The following RBM6 variants were observed in gnomAD, a reference collection of about 807,000 sequenced individuals.
RBM6 encodes RNA binding motif protein 6.
In RBM6, 23 loss-of-function variants were observed where a neutral mutation model predicts 140.4. The observed-to-expected ratio is 0.16, with a 90% CI of 0.12 to 0.23. The LOEUF is 0.23. Ranked by LOEUF, RBM6 falls within the 10% of genes least tolerant of loss-of-function variation. The pLI is 1.00. For missense variants in RBM6, 1,139 were observed against 1,386.7 expected (o/e 0.82, Z 2.84); for synonymous variants, 439 against 475.6 (o/e 0.92, Z 1.00).
intron 1 of RBM6, among the ~76,000 whole-genome samples, chr3:49,944,728 G>A (rs1213789861): frequency 1.3e-5 from 2 of 151,838 alleles, no homozygotes; most frequent in African/African-American, 2.4e-5. Context: ...AACCTGCCTC[G>A]GCCTCCCAAA....
intron 1 of RBM6, among the ~76,000 whole-genome samples, chr3:49,946,846 T>G (rs1345676424): frequency 6.6e-6 from 1 of 150,448 alleles, no homozygotes; most frequent in East Asian, 1.9e-4. Flanking sequence ...ATTTTCTGTT[T>G]CGTTTTTTTT....
In RBM6 at chr3:49,942,860, C is replaced by CA. The variant is rs923968970; in HGVS notation, c.-67+2644dup. ...TGGGCTGCACAGCCAGACTCCATCT[C>CA]AAAAAAAAAGAAAAAAAGAAACTGT... On this transcript the variant is annotated intron_variant, in intron 1 of 20. Transcript: ENST00000266022. 2.0e-3 allele frequency among the ~76,000 whole-genome samples: 300 copies of CA among 150,642 alleles called. 2 individuals carry two copies. Among genetic ancestry groups the CA allele is most frequent in the African/African-American group, 6.5e-3 (269 of 41,146 alleles).
chr3:50,068,068 C>T (rs1350590261), intron 17 of RBM6, among the ~76,000 whole-genome samples: 5 of 152,138 alleles, frequency 3.3e-5, no homozygotes, highest in Admixed American at 2.6e-4. Flanking sequence ...AAAAAGTAAT[C>T]GTCAGGAAAG....
At chr3:50,032,482 C>CAAAAA (rs10648927) in intron 6 of RBM6, among the ~76,000 whole-genome samples, 2 of 58,368 alleles carry the variant, frequency 3.4e-5, no homozygotes, top group African/African-American at 5.9e-5. Context: ...GACTCCATCT[C>CAAAAA]AAAAAAAAAA....
intron 19 of RBM6, among the ~76,000 whole-genome samples, chr3:50,072,413 AAAAAAAAAG>A (rs1223123863): frequency 6.6e-6 from 1 of 151,794 alleles, no homozygotes; most frequent in Non-Finnish European, 1.5e-5. Context: ...CCAAATCAAA[AAAAAAAAAG>A]AAAAGAAAAG....
intron 1 of RBM6, among the ~76,000 whole-genome samples, chr3:49,955,160 CTTTTTTT>C (rs869272546): frequency 1.4e-5 from 1 of 72,714 alleles, no homozygotes; most frequent in African/African-American, 5.8e-5. Flanking sequence ...TTTTTTCTTT[CTTTTTTT>C]TTTTTTTTTT....
intron 6 of RBM6, 36 bp downstream of exon 6, chr3:49,999,549 A>T: frequency 6.5e-7 from 1 of 1,528,270 alleles, no homozygotes; most frequent in East Asian, 2.3e-5. Flanking sequence ...TGCTGGAAGG[A>T]TATATTTTTT....
At position 50,057,874 on chromosome 3, in the gene RBM6, C is replaced by G; in HGVS notation, c.1840C>G (p.Arg614Gly). 6.2e-7 allele frequency: 1 copy of G among 1,614,034 alleles called. No homozygotes were observed. ...PRKREEGQES[R>G]LGHQKREAER... is the part of the protein sequence containing the mutation. ...GAAGAGGGAAGAAGGCCAAGAGTCACGCTTAGGACATCAAAAGAGAGAAGC... is the reference window on the plus strand; with the variant it reads ...GAAGAGGGAAGAAGGCCAAGAGTCAGGCTTAGGACATCAAAAGAGAGAAGC... The change falls in exon 9 of 21, where the codon CGC (arginine) becomes GGC (glycine). Residue 614 changes from arginine (R) to glycine (G), a missense_variant. By Grantham distance (125) the Arg-to-Gly change is moderately radical. Around this residue, in one of 9 missense-constraint regions of RBM6, gnomAD observed 109 missense variants for 101.9 expected, o/e 1.07. Transcript: ENST00000266022.
At chr3:50,033,324 G>A (rs2088295964) in intron 6 of RBM6, among the ~76,000 whole-genome samples, 1 of 151,794 alleles carries the variant, frequency 6.6e-6, no homozygotes, top group Non-Finnish European at 1.5e-5. Flanking sequence ...AAAGAGACGG[G>A]GCCTCACATA....
At chr3:49,943,984 C>T (rs554664604) in intron 1 of RBM6, among the ~76,000 whole-genome samples, 12 of 152,170 alleles carry the variant, frequency 7.9e-5, no homozygotes, top group Admixed American at 2.6e-4. Context: ...AGTGGTATCT[C>T]GTTGTGTTTT....
intron 1 of RBM6, among the ~76,000 whole-genome samples, chr3:49,948,433 A>G (rs1268138046): frequency 6.6e-6 from 1 of 152,130 alleles, no homozygotes; most frequent in Admixed American, 6.6e-5. Flanking sequence ...CTAAGGCACA[A>G]GAATTGCTTG....
chr3:49,957,615 C>G (rs1208571792), intron 1 of RBM6, among the ~76,000 whole-genome samples: 1 of 152,112 alleles, frequency 6.6e-6, no homozygotes, highest in Non-Finnish European at 1.5e-5. Context: ...CCATAGTATA[C>G]AAATCTCTGC....
intron 8 of RBM6, 64 bp from the exon 9 acceptor site, chr3:50,057,664 T>G: frequency 6.9e-7 from 1 of 1,445,278 alleles, no homozygotes; most frequent in Non-Finnish European, 9.3e-7. Context: ...AGTAGCAGTG[T>G]TTTTTCTTTT....
intron 1 of RBM6, among the ~76,000 whole-genome samples, chr3:49,953,780 A>G (rs1209982914): frequency 6.6e-6 from 1 of 151,652 alleles, no homozygotes; most frequent in Non-Finnish European, 1.5e-5. Flanking sequence ...TCAGCCTCCC[A>G]AAGTGCTGGG....
chr3:50,073,440 A>C (rs567999137), intron 19 of RBM6, among the ~76,000 whole-genome samples: 30 of 152,256 alleles, frequency 2.0e-4, no homozygotes, highest in African/African-American at 7.2e-4. Flanking sequence ...TTATCAGGAG[A>C]ACCCACTCCT....
chr3:50,030,229 G>T (rs2088070571), intron 6 of RBM6, among the ~76,000 whole-genome samples: 1 of 147,352 alleles, frequency 6.8e-6, no homozygotes, highest in Non-Finnish European at 1.5e-5. Context: ...ATTGCAGTGA[G>T]CCATGATCAT....
At chr3:49,993,276 AAAAC>A (rs2085911009) in intron 5 of RBM6, among the ~76,000 whole-genome samples, 1 of 152,224 alleles carries the variant, frequency 6.6e-6, no homozygotes, top group Non-Finnish European at 1.5e-5. Flanking sequence ...CTTAAAGCAA[AAAAC>A]AAACAAATTT....
At chr3:50,039,742 C>T (rs542751978) in intron 6 of RBM6, among the ~76,000 whole-genome samples, 53 of 152,126 alleles carry the variant, frequency 3.5e-4, no homozygotes, top group Non-Finnish European at 6.0e-4. Context: ...AAGCAATCTA[C>T]GGAGATTCTG....
chr3:49,967,786 C>G lies in RBM6; in HGVS notation c.361C>G (p.His121Asp), dbSNP rs755787330. Reference protein sequence around the residue: ...SQLDFRGRDIHSGDFRDREGP... With the variant: ...SQLDFRGRDIDSGDFRDREGP... ...GTTGGACTTCAGGGGTAGGGACATA[C>G]ATTCTGGGGATTTTCGGGATAGAGA... Residue 121 changes from histidine to aspartate, a missense_variant, in exon 3 of 21, where the codon CAT (histidine) becomes GAT (aspartate). Physicochemically the swap from His to Asp is moderately conservative, Grantham distance 81. Coordinates refer to ENST00000266022, the MANE Select transcript of RBM6 (RefSeq NM_005777.3). This position sits in a 1 kb window ranked among gnomAD's most constrained non-coding sequence, Gnocchi z 4.0. 6.8e-6 allele frequency: 11 copies of G among 1,613,986 alleles called. No homozygotes were observed. Among genetic ancestry groups the G allele is most frequent in the Non-Finnish European group, 9.3e-6 (11 of 1,180,022 alleles).
Sources: allele counts gnomAD v4.1 joint callset (sites outside exome capture counted in the v4.1 genomes callset), GRCh38; gene constraint gnomAD v4.1.1; regional missense constraint gnomAD v4.1.1; non-coding constraint Gnocchi (gnomAD v3.1); transcripts MANE v1.5; gene names NCBI Gene and HGNC (gene_info 2026-07-23, HGNC 2026-07-21).